The following SLC30A6 variants were observed in gnomAD, a reference collection of about 807,000 sequenced individuals.
The protein encoded by SLC30A6 is zinc transporter 6.
Under a neutral mutation model 63.0 loss-of-function variants are expected in SLC30A6, and 55 were observed. The observed-to-expected ratio is 0.87, with a 90% CI of 0.70 to 1.09. The LOEUF is 1.09. Ranked by LOEUF, SLC30A6 falls within the 50% of genes least tolerant of loss-of-function variation. The probability of loss-of-function intolerance (pLI) is 0.00; values close to 1 mark genes in which losing one functional copy is unlikely to be tolerated. For synonymous variants in SLC30A6, 224 were observed against 186.1 expected, an observed-to-expected ratio of 1.20 and a Z score of -1.66; for missense variants, 587 against 549.2, an observed-to-expected ratio of 1.07 and a Z score of -0.69.
At position 32,211,417 on chromosome 2, in the gene SLC30A6, C is replaced by G. The variant is rs1440189289; in HGVS notation, c.885+1856C>G. The stretch of plus-strand genomic sequence containing the variant: ...CAAGTTTCTTAAAAACACATTATCC[C>G]TTTTATTTCTGGCATGAAGCATTTC... On this transcript the variant is annotated intron_variant, in intron 13 of 13. Coordinates refer to ENST00000282587, the MANE Select transcript of SLC30A6 (RefSeq NM_017964.5). 2.0e-5 allele frequency among the ~76,000 whole-genome samples: 3 copies of G among 152,164 alleles called. No individual in the cohort carries two copies. The East Asian group carries it at 5.8e-4, about 29-fold the overall frequency.
chr2:32,166,049 C>A, intron 1 of SLC30A6, 146 bp downstream of exon 1: 1 of 1,190,824 alleles, frequency 8.4e-7, no homozygotes, highest in Non-Finnish European at 1.2e-6. Context: ...GCGGCTGTCT[C>A]CCAAAATGTT....
chr2:32,181,988 C>A (rs1197634444), intron 4 of SLC30A6, among the ~76,000 whole-genome samples: 1 of 138,980 alleles, frequency 7.2e-6, no homozygotes, highest in Admixed American at 7.8e-5. Context: ...AGGCTGAGTA[C>A]AGTGACATAG....
intron 13 of SLC30A6, 76 bp from the exon 14 acceptor site, chr2:32,220,137 T>C (rs907340150): frequency 2.0e-5 from 30 of 1,474,856 alleles, no homozygotes; most frequent in Non-Finnish European, 2.6e-5. Flanking sequence ...AAATCATAAA[T>C]AAAATGTTTT....
chr2:32,185,849 A>G (rs1025019030), intron 5 of SLC30A6, among the ~76,000 whole-genome samples: 7 of 150,228 alleles, frequency 4.7e-5, no homozygotes, highest in Non-Finnish European at 8.8e-5. Context: ...CCTCCCGAGT[A>G]CCTGGGATTA....
chr2:32,193,142 A>G (rs145225831), intron 7 of SLC30A6, among the ~76,000 whole-genome samples, 189 bp downstream of exon 7: 1 of 152,228 alleles, frequency 6.6e-6, no homozygotes, highest in African/African-American at 2.4e-5. Flanking sequence ...AGTTCTAAAT[A>G]TTTTTATACT....
chr2:32,179,977 G>A (rs1424389263), intron 4 of SLC30A6, among the ~76,000 whole-genome samples: 2 of 152,052 alleles, frequency 1.3e-5, no homozygotes, highest in Non-Finnish European at 2.9e-5. Context: ...ATATGTTACC[G>A]CCAAGAGTGG....
chr2:32,187,659 G>A (rs1488544909), intron 5 of SLC30A6, among the ~76,000 whole-genome samples: 4 of 152,100 alleles, frequency 2.6e-5, no homozygotes, highest in African/African-American at 9.7e-5. Flanking sequence ...AGCTTCACAC[G>A]GATGTCTAAT....
intron 12 of SLC30A6, among the ~76,000 whole-genome samples, chr2:32,209,210 C>T (rs1685044931): frequency 6.6e-6 from 1 of 152,156 alleles, no homozygotes; most frequent in Non-Finnish European, 1.5e-5. Flanking sequence ...GAACCATACA[C>T]TGTTGAAGAA....
At chr2:32,214,846 A>G (rs1299260405) in intron 13 of SLC30A6, among the ~76,000 whole-genome samples, 1 of 152,226 alleles carries the variant, frequency 6.6e-6, no homozygotes, top group Non-Finnish European at 1.5e-5. Flanking sequence ...GAAAGAGGAT[A>G]TGGCATCTTT....
At chr2:32,213,827 G>A (rs1170792559) in intron 13 of SLC30A6, among the ~76,000 whole-genome samples, 2 of 109,362 alleles carry the variant, frequency 1.8e-5, no homozygotes, top group East Asian at 2.5e-4. Context: ...GTTTTGAGAC[G>A]GAGTCTCACA....
At chr2:32,178,268 G>A (rs377514901) in intron 4 of SLC30A6, among the ~76,000 whole-genome samples, 1 of 151,952 alleles carries the variant, frequency 6.6e-6, no homozygotes, top group Non-Finnish European at 1.5e-5. Flanking sequence ...TTTTAATGGT[G>A]TGAGATTGGG....
intron 13 of SLC30A6, among the ~76,000 whole-genome samples, chr2:32,215,116 A>G (rs1389555303): frequency 6.6e-6 from 1 of 152,186 alleles, no homozygotes; most frequent in Admixed American, 6.6e-5. Flanking sequence ...TATGTTTTGT[A>G]AGAATTTTTT....
rs1266909295 is a variant in SLC30A6 at position 32,222,055 on chromosome 2, G to A, written c.*1342G>A. The A allele has an allele frequency of 6.6e-6, 1 of 152,162 alleles. No individual in the cohort carries two copies. Among genetic ancestry groups the A allele is most frequent in the African/African-American group, 2.4e-5 (1 of 41,464 alleles). 9.4% of individuals were successfully genotyped at this position (152,162 alleles called of 1,614,324 possible). A position where few individuals can be genotyped will look rare whatever the true frequency, so the allele number is the denominator to read the frequency against. ...ACCTTAGATTATAGAATACAGCATT[G>A]TTAGGTCTGCAGTGGGCAGTTTCTT... is the stretch of plus-strand genomic sequence containing the variant. On this transcript the variant is annotated 3_prime_UTR_variant, in exon 14 of 14. Coordinates refer to ENST00000282587, the MANE Select transcript of SLC30A6 (RefSeq NM_017964.5).
In SLC30A6 at chr2:32,221,182, T is replaced by C. The variant is rs1686122015; in HGVS notation, c.*469T>C. 4.8e-6 allele frequency: 1 copy of C among 206,436 alleles called. No individual in the cohort carries two copies. Among genetic ancestry groups the C allele is most frequent in the Non-Finnish European group, 9.6e-6 (1 of 104,558 alleles). 12.8% of individuals were successfully genotyped at this position (206,436 alleles called of 1,614,324 possible). On this transcript the variant is annotated 3_prime_UTR_variant, in exon 14 of 14. Coordinates refer to ENST00000282587, the MANE Select transcript of SLC30A6 (RefSeq NM_017964.5). Reference sequence around the variant, plus strand: ...TTTTGTTTTGTTTTGTTTTTTGAGATGGAGTCTCACTCTGTCGCCCAGGCT... The same window carrying C: ...TTTTGTTTTGTTTTGTTTTTTGAGACGGAGTCTCACTCTGTCGCCCAGGCT...
At chr2:32,219,466 ACT>A (rs927062082) in intron 13 of SLC30A6, among the ~76,000 whole-genome samples, 37 of 147,008 alleles carry the variant, frequency 2.5e-4, no homozygotes, top group African/African-American at 9.1e-4. Flanking sequence ...ATAGGATATC[ACT>A]CTGTCACTCA....
At chr2:32,208,461 A>G (rs1684975205) in intron 12 of SLC30A6, among the ~76,000 whole-genome samples, 1 of 150,054 alleles carries the variant, frequency 6.7e-6, no homozygotes, top group African/African-American at 2.5e-5. Flanking sequence ...ATATATATAA[A>G]AAGAGATGGG....
At chr2:32,187,606 C>T (rs1282017490) in intron 5 of SLC30A6, among the ~76,000 whole-genome samples, 1 of 152,202 alleles carries the variant, frequency 6.6e-6, no homozygotes, top group East Asian at 1.9e-4. Flanking sequence ...ATCCAGTTCT[C>T]TAGGCCTGAG....
chr2:32,204,468 G>A (rs1684566132), intron 10 of SLC30A6, 122 bp from the exon 11 acceptor site: 2 of 466,870 alleles, frequency 4.3e-6, no homozygotes, highest in South Asian at 4.2e-5. Flanking sequence ...GTGGCCAATT[G>A]TGATAAAATT....
chr2:32,203,163 C>T, intron 10 of SLC30A6: 1 of 1,250,882 alleles, frequency 8.0e-7, no homozygotes, highest in Non-Finnish European at 1.2e-6. Flanking sequence ...TTTGGACATT[C>T]CTGAAGTTGA....
Sources: gnomAD v4.1 joint callset for allele counts (sites outside exome capture counted in the v4.1 genomes callset) on GRCh38, gnomAD v4.1.1 for gene constraint, MANE v1.5 for transcripts, NCBI Gene and HGNC (gene_info 2026-07-23, HGNC 2026-07-21) for gene names.